RPTOR: variants seen among roughly 807,000 people sequenced by gnomAD.
RPTOR encodes regulatory associated protein of MTOR complex 1, also known as regulatory-associated protein of mTOR.
RPTOR carries 21 observed loss-of-function variants against 169.9 expected under a neutral mutation model. That is an observed-to-expected ratio of 0.12 (90% confidence interval 0.09 to 0.18). The LOEUF (loss-of-function observed/expected upper bound fraction) is 0.18, where lower values mean the gene tolerates loss of function less well. RPTOR is among the 10% of genes least tolerant of loss of function. RPTOR has a pLI of 1.00. For missense variants in RPTOR, 1,133 were observed against 1,855.9 expected (o/e 0.61, Z 7.16); for synonymous variants, 732 against 753.2 (o/e 0.97, Z 0.46).
chr17:80,670,196 C>G (rs2065811150), intron 3 of RPTOR, among the ~76,000 whole-genome samples: 1 of 152,214 alleles, frequency 6.6e-6, no homozygotes, highest in African/African-American at 2.4e-5. Context: ...AAGCCAGTTT[C>G]TTGTCACAAC....
At chr17:80,698,816 T>TCC (rs1287390237) in intron 3 of RPTOR, among the ~76,000 whole-genome samples, 1 of 152,216 alleles carries the variant, frequency 6.6e-6, no homozygotes, top group African/African-American at 2.4e-5. Context: ...TGGAAGGCTG[T>TCC]CCCGGCCCTC....
intron 12 of RPTOR, among the ~76,000 whole-genome samples, 187 bp from the exon 13 acceptor site, chr17:80,857,603 T>C (rs544815365): frequency 2.0e-5 from 3 of 152,350 alleles, no homozygotes; most frequent in Non-Finnish European, 4.4e-5. Flanking sequence ...TGGCAGCTTC[T>C]AGGAATAAAT....
At chr17:80,595,540 C>T in intron 1 of RPTOR, among the ~76,000 whole-genome samples, 1 of 152,206 alleles carries the variant, frequency 6.6e-6, no homozygotes, top group Non-Finnish European at 1.5e-5. Flanking sequence ...ACTGCAGCCT[C>T]AACCTCCTGG....
Position 80,634,636 on chromosome 17 carries a change from T to TGC in RPTOR, c.265+8844_265+8845insCG, listed in dbSNP as rs1384319250. Among the ~76,000 whole-genome samples, 565 of 130,306 alleles carry TGC rather than the reference T, an allele frequency of 4.3e-3. 51 individuals carry two copies. The highest frequency in any genetic ancestry group is 6.8e-3 in the Non-Finnish European group (407 of 59,906). The allele number at this position is 130,306 out of a possible 152,430, so 85.5% of individuals were successfully genotyped here. On this transcript the variant is annotated intron_variant, in intron 2 of 33. Transcript: ENST00000306801. ...GTACTGTGTGCGTGTGCGTACTGTG[T>TGC]GTGTGCATACTGTATGTGCGTACTG...
chr17:80,834,211 G>A (rs1189971961), intron 9 of RPTOR, among the ~76,000 whole-genome samples: 2 of 152,222 alleles, frequency 1.3e-5, no homozygotes, highest in African/African-American at 4.8e-5. Flanking sequence ...GCCGAGCTGT[G>A]GCTTGAGGTT....
Position 80,646,249 on chromosome 17 carries a change from A to T in RPTOR, c.348+2439A>T, listed in dbSNP as rs1275270081. 3.3e-5 allele frequency among the ~76,000 whole-genome samples: 5 copies of T among 152,314 alleles called. No individual in the cohort carries two copies. The highest frequency in any genetic ancestry group is 3.9e-4 in the East Asian group (2 of 5,192). On this transcript the variant is annotated intron_variant, in intron 3 of 33. Coordinates refer to ENST00000306801, the MANE Select transcript of RPTOR (RefSeq NM_020761.3). The surrounding 1 kb of genome is among the most constrained non-coding windows in gnomAD (Gnocchi z 5.0). Reference sequence around the variant, plus strand: ...ATTTTTTAGTACAATAAAAATGTTTAAAAATTTCCTGCTACTATCCATGAG... The same window carrying T: ...ATTTTTTAGTACAATAAAAATGTTTTAAAATTTCCTGCTACTATCCATGAG...
chr17:80,904,085 G>C (rs139253015), intron 20 of RPTOR, among the ~76,000 whole-genome samples: 2 of 152,368 alleles, frequency 1.3e-5, no homozygotes, highest in East Asian at 3.9e-4. Flanking sequence ...ACCCGGCCCG[G>C]GAGGTGCTGC....
chr17:80,672,783 C>G (rs563018390), intron 3 of RPTOR, among the ~76,000 whole-genome samples: 8 of 151,892 alleles, frequency 5.3e-5, no homozygotes, highest in Non-Finnish European at 1.2e-4. Flanking sequence ...GAGCGAGACT[C>G]TGTCTCAAAA....
At chr17:80,772,428 C>G (rs1486956752) in intron 6 of RPTOR, among the ~76,000 whole-genome samples, 1 of 145,462 alleles carries the variant, frequency 6.9e-6, no homozygotes, top group South Asian at 2.3e-4. Context: ...ACTGGTTCCC[C>G]CTGTCTCTCC....
chr17:80,731,183 A>G (rs2066390025), intron 5 of RPTOR, among the ~76,000 whole-genome samples: 1 of 152,178 alleles, frequency 6.6e-6, no homozygotes, highest in Non-Finnish European at 1.5e-5. Flanking sequence ...GGCCCAGTAC[A>G]AACCTACAGA....
chr17:80,830,947 G>A (rs187209184), intron 9 of RPTOR, among the ~76,000 whole-genome samples: 2 of 152,146 alleles, frequency 1.3e-5, no homozygotes, highest in African/African-American at 4.8e-5. Flanking sequence ...GTTTCACCAG[G>A]TTGCTCAGGC....
chr17:80,649,740 A>G (rs1044566922), intron 3 of RPTOR, among the ~76,000 whole-genome samples: 8 of 152,076 alleles, frequency 5.3e-5, no homozygotes, highest in Admixed American at 3.3e-4. Flanking sequence ...TTTTACTTAT[A>G]TTTTTGCCTT....
At chr17:80,961,593 G>A (rs2069342526) in intron 31 of RPTOR, 113 bp downstream of exon 31, 2 of 1,186,056 alleles carry the variant, frequency 1.7e-6, no homozygotes, top group Non-Finnish European at 2.4e-6. Flanking sequence ...ATTTCGGGCA[G>A]TAATTAACTC....
intron 10 of RPTOR, among the ~76,000 whole-genome samples, chr17:80,841,398 C>A (rs1333240671): frequency 8.3e-6 from 1 of 120,728 alleles, no homozygotes; most frequent in East Asian, 2.9e-4. Context: ...CAGCTCACAC[C>A]GCACGGCAGC....
chr17:80,710,978 G>A (rs1276061538), intron 4 of RPTOR, among the ~76,000 whole-genome samples: 1 of 152,180 alleles, frequency 6.6e-6, no homozygotes, highest in African/African-American at 2.4e-5. Context: ...AAAGCTCTCT[G>A]GGTGGTATTT....
intron 3 of RPTOR, among the ~76,000 whole-genome samples, chr17:80,687,041 C>T (rs1047927903): frequency 6.6e-6 from 1 of 152,188 alleles, no homozygotes; most frequent in Non-Finnish European, 1.5e-5. Context: ...AACCAAAATA[C>T]ATCACCCCAC....
chr17:80,645,517 T>A (rs796316786), intron 3 of RPTOR, among the ~76,000 whole-genome samples: 1 of 152,380 alleles, frequency 6.6e-6, no homozygotes, highest in African/African-American at 2.4e-5. Flanking sequence ...TGTTTAATAT[T>A]TCAAGATATT....
chr17:80,663,067 G>A (rs2065736399), intron 3 of RPTOR, among the ~76,000 whole-genome samples: 1 of 152,198 alleles, frequency 6.6e-6, no homozygotes, highest in Non-Finnish European at 1.5e-5. Flanking sequence ...GTGACCACAT[G>A]TGATGTATTC....
At chr17:80,949,612 T>C (rs2069148292) in intron 28 of RPTOR, 65 bp downstream of exon 28, 1 of 1,347,782 alleles carries the variant, frequency 7.4e-7, no homozygotes, top group African/African-American at 1.4e-5. Context: ...CACTCGGAAT[T>C]CCAAGGCCCT....
Sources: gnomAD v4.1 joint callset for allele counts (sites outside exome capture counted in the v4.1 genomes callset) on GRCh38, gnomAD v4.1.1 for gene constraint, Gnocchi (gnomAD v3.1) non-coding constraint, MANE v1.5 for transcripts, NCBI Gene and HGNC (gene_info 2026-07-23, HGNC 2026-07-21) for gene names.